CUBN: variants seen among roughly 807,000 people sequenced by gnomAD.
The protein encoded by CUBN is 460 kDa receptor.
A neutral mutation model predicts 405.3 loss-of-function variants in CUBN; 282 were observed. That is an observed-to-expected ratio of 0.70 (90% CI 0.63 to 0.77). CUBN has a LOEUF of 0.77. CUBN is among the 30% of genes least tolerant of loss of function. CUBN has a pLI of 0.00. For synonymous variants in CUBN, 1,684 were observed against 1,617.0 expected (o/e 1.04, Z -0.99); for missense variants, 4,514 against 4,475.2 (o/e 1.01, Z -0.25).
intron 55 of CUBN, among the ~76,000 whole-genome samples, chr10:16,889,990 T>A (rs1346906635): frequency 6.8e-6 from 1 of 147,426 alleles, no homozygotes. Context: ...TGAATTCAGT[T>A]GGGCCTGGAG....
At chr10:16,832,201 G>A (rs1480555244) in intron 64 of CUBN, among the ~76,000 whole-genome samples, 1 of 152,138 alleles carries the variant, frequency 6.6e-6, no homozygotes, top group Non-Finnish European at 1.5e-5. Context: ...GAGGGCTCTC[G>A]ACGCTTCTTA....
At chr10:17,115,682 A>G in intron 6 of CUBN, 85 bp from the exon 7 acceptor site, 1 of 1,495,094 alleles carries the variant, frequency 6.7e-7, no homozygotes, top group Non-Finnish European at 9.3e-7. Flanking sequence ...AAAATAATTC[A>G]AATTACAAAT....
chr10:17,004,956 C>G (rs1186170875), intron 28 of CUBN, among the ~76,000 whole-genome samples: 1 of 152,158 alleles, frequency 6.6e-6, no homozygotes, highest in Non-Finnish European at 1.5e-5. Context: ...CTGCACCCAG[C>G]CCTAAACAGC....
intron 54 of CUBN, among the ~76,000 whole-genome samples, chr10:16,891,027 C>A (rs373960502): frequency 2.0e-5 from 3 of 152,156 alleles, no homozygotes; most frequent in African/African-American, 7.2e-5. Flanking sequence ...TAAATCAGAA[C>A]ACTTCTTGGC....
chr10:16,835,814 C>A (rs1839151702), intron 63 of CUBN, among the ~76,000 whole-genome samples: 2 of 151,792 alleles, frequency 1.3e-5, no homozygotes, highest in African/African-American at 2.4e-5. Flanking sequence ...TGTGAAAATA[C>A]TAAAAACCTC....
intron 14 of CUBN, among the ~76,000 whole-genome samples, chr10:17,097,076 C>G (rs1229643788): frequency 6.6e-6 from 1 of 151,874 alleles, no homozygotes; most frequent in Non-Finnish European, 1.5e-5. Flanking sequence ...TGCAAAATAA[C>G]ACAAGGGAAG....
At chr10:17,029,517 G>GAA in intron 27 of CUBN, among the ~76,000 whole-genome samples, 1 of 152,308 alleles carries the variant, frequency 6.6e-6, no homozygotes, top group East Asian at 1.9e-4. Flanking sequence ...ATCATGCTTA[G>GAA]TACGGTGCTA....
intron 31 of CUBN, among the ~76,000 whole-genome samples, chr10:16,979,314 A>C (rs901324384): frequency 2.0e-5 from 3 of 152,180 alleles, no homozygotes; most frequent in African/African-American, 7.2e-5. Flanking sequence ...GCTACCATTG[A>C]CTTTCTTCAC....
At chr10:16,833,288 T>C (rs1410971090) in intron 64 of CUBN, among the ~76,000 whole-genome samples, 1 of 152,184 alleles carries the variant, frequency 6.6e-6, no homozygotes, top group South Asian at 2.1e-4. Context: ...CAGGTCCAAG[T>C]TGAATAACCT....
At chr10:16,914,256 T>C (rs1841817890) in intron 47 of CUBN, among the ~76,000 whole-genome samples, 1 of 152,088 alleles carries the variant, frequency 6.6e-6, no homozygotes, top group Admixed American at 6.6e-5. Context: ...GACCAATGAA[T>C]GTAATGAACT....
At chr10:16,948,929 C>T (rs969734089) in intron 34 of CUBN, among the ~76,000 whole-genome samples, 1 of 152,144 alleles carries the variant, frequency 6.6e-6, no homozygotes, top group African/African-American at 2.4e-5. Context: ...CAAATAAATG[C>T]ACTAATATCC....
At chr10:17,053,447 T>G (rs1475275414) in intron 22 of CUBN, among the ~76,000 whole-genome samples, 1 of 151,936 alleles carries the variant, frequency 6.6e-6, no homozygotes, top group Non-Finnish European at 1.5e-5. Flanking sequence ...CAAACAAAAG[T>G]GACTTCAAGA....
chr10:17,085,566 CTCT>C (rs1564509524), intron 16 of CUBN, 28 bp downstream of exon 16: 1 of 1,607,270 alleles, frequency 6.2e-7, no homozygotes, highest in Admixed American at 1.7e-5. Context: ...CTTCAAATCC[CTCT>C]TAAGCCCCCA....
chr10:17,001,366 G>A (rs148384328), intron 28 of CUBN, among the ~76,000 whole-genome samples: 37 of 152,322 alleles, frequency 2.4e-4, no homozygotes, highest in African/African-American at 8.2e-4. Flanking sequence ...CCTGCTGATT[G>A]GTCCATTTTA....
intron 66 of CUBN, among the ~76,000 whole-genome samples, chr10:16,826,773 C>T (rs1046644069): frequency 6.6e-6 from 1 of 152,082 alleles, no homozygotes; most frequent in African/African-American, 2.4e-5. Context: ...AACCTGAACT[C>T]GGTTTATACA....
At chr10:16,932,484 C>A (rs188356044) in intron 40 of CUBN, among the ~76,000 whole-genome samples, 2 of 148,006 alleles carry the variant, frequency 1.4e-5, no homozygotes, top group East Asian at 4.2e-4. Flanking sequence ...CATAGCAACA[C>A]CATGCCTGTG....
chr10:16,905,459 T>C (rs2131433212), intron 50 of CUBN, among the ~76,000 whole-genome samples: 1 of 152,254 alleles, frequency 6.6e-6, no homozygotes, highest in East Asian at 1.9e-4. Flanking sequence ...CTCCATCTGG[T>C]ATATTGCAAA....
At chr10:16,979,493 T>C (rs934148862) in intron 31 of CUBN, among the ~76,000 whole-genome samples, 1 of 152,004 alleles carries the variant, frequency 6.6e-6, no homozygotes, top group Admixed American at 6.6e-5. Flanking sequence ...CCAAAAGAGA[T>C]ATACAGACCA....
intron 60 of CUBN, among the ~76,000 whole-genome samples, chr10:16,845,457 AAT>A (rs1378095818): frequency 3.9e-5 from 6 of 152,226 alleles, no homozygotes; most frequent in Non-Finnish European, 4.4e-5. Flanking sequence ...TGGGAAGAAG[AAT>A]AGAGAGTGAC....
Sources: gnomAD v4.1 joint callset for allele counts (sites outside exome capture counted in the v4.1 genomes callset) on GRCh38, gnomAD v4.1.1 for gene constraint, MANE v1.5 for transcripts, NCBI Gene and HGNC (gene_info 2026-07-23, HGNC 2026-07-21) for gene names.